Variants in AVP observed in about 807,000 individuals in gnomAD.
AVP encodes vasopressin-neurophysin 2-copeptin.
Under a neutral mutation model 11.1 loss-of-function variants are expected in AVP, and 9 were observed. The observed-to-expected ratio is 0.81, with a 90% confidence interval of 0.49 to 1.42. AVP has a LOEUF of 1.42. Among genes scored for constraint, AVP ranks in the 40% most tolerant of loss-of-function variants. The pLI, the probability that AVP is intolerant of heterozygous loss-of-function variation, is 0.00. For synonymous variants in AVP, 106 were observed against 111.3 expected (o/e 0.95, Z 0.30); for missense variants, 206 against 238.5 (o/e 0.86, Z 0.90).
chr20:3,083,079 G>A lies in AVP; in HGVS notation c.220C>T (p.Arg74Cys). 1 of 1,561,606 alleles carries A rather than the reference G, an allele frequency of 6.4e-7. No homozygotes were observed. The highest frequency in any genetic ancestry group is 8.6e-7 in the Non-Finnish European group (1 of 1,164,122). The change falls in exon 2 of 3, where the codon CGC becomes TGC. Residue 74 changes from arginine to cysteine, a missense_variant. Physicochemically the swap from Arg to Cys is radical, Grantham distance 180 (BLOSUM62 -3). Around this residue, in one of 2 missense-constraint regions of AVP, gnomAD observed 100 missense variants for 149.3 expected, o/e 0.67. Coordinates refer to ENST00000380293, the MANE Select transcript of AVP (RefSeq NM_000490.5). This position sits in a 1 kb window ranked among gnomAD's most constrained non-coding sequence, Gnocchi z 5.4. ...GGCAGGTAGTTCTCCTCCTGGCAGCGCAGCGCCTCAGCCGTGCCCACGAAG... is the reference window on the plus strand; with the variant it reads ...GGCAGGTAGTTCTCCTCCTGGCAGCACAGCGCCTCAGCCGTGCCCACGAAG... ...GCFVGTAEALRCQEENYLPSP... is the reference protein window; with the variant it reads ...GCFVGTAEALCCQEENYLPSP...
Position 3,083,085 on chromosome 20 carries a change from C to T in AVP, c.214G>A (p.Ala72Thr). 1 of 1,561,136 alleles carries T rather than the reference C, an allele frequency of 6.4e-7. No homozygotes were observed. Among genetic ancestry groups the T allele is most frequent in the Non-Finnish European group, 8.6e-7 (1 of 1,163,856 alleles). The stretch of plus-strand genomic sequence containing the variant: ...TAGTTCTCCTCCTGGCAGCGCAGCG[C>T]CTCAGCCGTGCCCACGAAGCAGCCC... ...ELGCFVGTAE[A>T]LRCQEENYLP... The change falls in exon 2 of 3, where the codon GCG becomes ACG. Residue 72 changes from alanine (A) to threonine (T), a missense_variant. Coordinates refer to ENST00000380293, the MANE Select transcript of AVP (RefSeq NM_000490.5). The surrounding 1 kb of genome is among the most constrained non-coding windows in gnomAD (Gnocchi z 5.4).
chr20:3,084,101 G>T (rs556719614), intron 1 of AVP, among the ~76,000 whole-genome samples: 1 of 152,204 alleles, frequency 6.6e-6, no homozygotes, highest in Admixed American at 6.5e-5. Flanking sequence ...CAGACCAGTG[G>T]CCATCTTCTG....
Position 3,083,295 on chromosome 20 carries a change from G to T in AVP, c.121-117C>A. On this transcript the variant is annotated intron_variant, in intron 1 of 2. Transcript: ENST00000380293. The surrounding 1 kb of genome is among the most constrained non-coding windows in gnomAD (Gnocchi z 5.4). ...GGCTCGGAGTGCGGGCGGGACACCG[G>T]GGCTGCGGCTGCAGGCACGCTCGGG... The T allele has an allele frequency of 8.7e-7, 1 of 1,153,080 alleles. No individual in the cohort carries two copies. Among genetic ancestry groups the T allele is most frequent in the Admixed American group, 4.1e-5 (1 of 24,426 alleles). 71.4% of individuals were successfully genotyped at this position (1,153,080 alleles called of 1,614,324 possible).
chr20:3,084,495 A>T, intron 1 of AVP, 60 bp downstream of exon 1: 1 of 1,610,896 alleles, frequency 6.2e-7, no homozygotes, highest in Non-Finnish European at 8.5e-7. Flanking sequence ...CTAGCCCCTG[A>T]CCCAGGGTGT....
At position 3,083,668 on chromosome 20, in the gene AVP, T is replaced by C. The variant is rs998606034; in HGVS notation, c.121-490A>G. Among the ~76,000 whole-genome samples, 1 of 152,092 alleles carries C rather than the reference T, an allele frequency of 6.6e-6. No homozygotes were observed. The highest frequency in any genetic ancestry group is 2.4e-5 in the African/African-American group (1 of 41,424). On this transcript the variant is annotated intron_variant, in intron 1 of 2. Transcript: ENST00000380293. This position sits in a 1 kb window ranked among gnomAD's most constrained non-coding sequence, Gnocchi z 5.4. ...CCATTTCCTGTCTCCTCTCTTGCCT[T>C]GCCCCTGGCCCCCGCCAAGCTTGTC...
Position 3,084,639 on chromosome 20 carries a change from G to A in AVP, c.36C>T (p.Gly12=), listed in dbSNP as rs1342687274. ...PDTMLPACFL[G]LLAFSSACYF... is the part of the protein sequence containing the mutation. ...AGCACGCGGAGGAGAAGGCCAGTAG[G>A]CCGAGGAAGCAGGCGGGCAGCATGG... Residue 12 remains glycine, a synonymous_variant, in exon 1 of 3, where the codon GGC becomes GGT. Transcript: ENST00000380293. 6.2e-7 allele frequency: 1 copy of A among 1,613,638 alleles called. No individual in the cohort carries two copies. The highest frequency in any genetic ancestry group is 1.3e-5 in the African/African-American group (1 of 74,940).
At position 3,082,945 on chromosome 20, in the gene AVP, C is replaced by CT. The variant is rs762655956; in HGVS notation, c.322+31_322+32insA. The CT allele has an allele frequency of 3.8e-6, 5 of 1,316,624 alleles. 1 individual carries two copies. Among genetic ancestry groups the CT allele is most frequent in the Admixed American group, 4.0e-5 (1 of 25,168 alleles). 81.6% of individuals were successfully genotyped at this position (1,316,624 alleles called of 1,614,324 possible). The stretch of plus-strand genomic sequence containing the variant: ...CCCCCCACCCAAGCGGTCTGCGCCC[C>CT]CCCCAGCCCCAGGCCCGCCCCCGCC... On this transcript the variant is annotated intron_variant, in intron 2 of 2. Coordinates refer to ENST00000380293, the MANE Select transcript of AVP (RefSeq NM_000490.5). This position sits in a 1 kb window ranked among gnomAD's most constrained non-coding sequence, Gnocchi z 4.7.
Position 3,082,961 on chromosome 20 carries a change from C to G in AVP, c.322+16G>C, listed in dbSNP as rs1344115090. ...TCTGCGCCCCCCCCAGCCCCAGGCCCGCCCCCGCCGCGCACCGTCGTTGCA... is the reference window on the plus strand; with the variant it reads ...TCTGCGCCCCCCCCAGCCCCAGGCCGGCCCCCGCCGCGCACCGTCGTTGCA... On this transcript the variant is annotated intron_variant, in intron 2 of 2. Coordinates refer to ENST00000380293, the MANE Select transcript of AVP (RefSeq NM_000490.5). This position sits in a 1 kb window ranked among gnomAD's most constrained non-coding sequence, Gnocchi z 4.7. The G allele has an allele frequency of 7.0e-7, 1 of 1,419,548 alleles. No individual in the cohort carries two copies. The highest frequency in any genetic ancestry group is 2.7e-5 in the Admixed American group (1 of 36,432). 87.9% of individuals were successfully genotyped at this position (1,419,548 alleles called of 1,614,324 possible).
chr20:3,082,862 G>T lies in AVP; in HGVS notation c.323-60C>A. The T allele has an allele frequency of 8.2e-7, 1 of 1,221,254 alleles. No individual in the cohort carries two copies. Among genetic ancestry groups the T allele is most frequent in the Non-Finnish European group, 1.0e-6 (1 of 982,078 alleles). 75.7% of individuals were successfully genotyped at this position (1,221,254 alleles called of 1,614,324 possible). On this transcript the variant is annotated intron_variant, in intron 2 of 2. Coordinates refer to ENST00000380293, the MANE Select transcript of AVP (RefSeq NM_000490.5). The surrounding 1 kb of genome is among the most constrained non-coding windows in gnomAD (Gnocchi z 4.7). ...GGCGGGCGCAGCTCGGGGTGCGGGG[G>T]GCCCACACCCTCCCTGCCGGGCCCG...
In AVP at chr20:3,082,691, C is replaced by G. The variant is rs936650522; in HGVS notation, c.434G>C (p.Arg145Pro). Residue 145 changes from arginine to proline, a missense_variant, in exon 3 of 3, where the codon CGG becomes CCG. Coordinates refer to ENST00000380293, the MANE Select transcript of AVP (RefSeq NM_000490.5). The surrounding 1 kb of genome is among the most constrained non-coding windows in gnomAD (Gnocchi z 4.7). Reference protein sequence around the residue: ...LDGPAGALLLRLVQLAGAPEP... With the variant: ...LDGPAGALLLPLVQLAGAPEP... ...GGGCGCCCCGGCCAGCTGCACCAGC[C>G]GCAGCAGCAAGGCCCCGGCCGGCCC... is the stretch of plus-strand genomic sequence containing the variant. 3 of 1,292,706 alleles carry G rather than the reference C, an allele frequency of 2.3e-6. No homozygotes were observed. Among genetic ancestry groups the G allele is most frequent in the Non-Finnish European group, 2.9e-6 (3 of 1,023,360 alleles). 80.1% of individuals were successfully genotyped at this position (1,292,706 alleles called of 1,614,324 possible). A position where few individuals can be genotyped will look rare whatever the true frequency, so the allele number is the denominator to read the frequency against.
At position 3,083,301 on chromosome 20, in the gene AVP, C is replaced by G. The variant is rs563005798; in HGVS notation, c.121-123G>C. Reference sequence around the variant, plus strand: ...GAGTGCGGGCGGGACACCGGGGCTGCGGCTGCAGGCACGCTCGGGCGCCAC... The same window carrying G: ...GAGTGCGGGCGGGACACCGGGGCTGGGGCTGCAGGCACGCTCGGGCGCCAC... On this transcript the variant is annotated intron_variant, in intron 1 of 2. Coordinates refer to ENST00000380293, the MANE Select transcript of AVP (RefSeq NM_000490.5). The surrounding 1 kb of genome is among the most constrained non-coding windows in gnomAD (Gnocchi z 5.4). The G allele has an allele frequency of 8.6e-5, 93 of 1,084,290 alleles. No individual in the cohort carries two copies. In the African/African-American group the frequency reaches 1.5e-3, roughly 17 times the overall value. 67.2% of individuals were successfully genotyped at this position (1,084,290 alleles called of 1,614,324 possible). A position where few individuals can be genotyped will look rare whatever the true frequency, so the allele number is the denominator to read the frequency against.
rs1375525048 is a variant in AVP at position 3,083,591 on chromosome 20, TC to T, written c.121-414del. Among the ~76,000 whole-genome samples, 2 of 151,866 alleles carry T rather than the reference TC, an allele frequency of 1.3e-5. No homozygotes were observed. The highest frequency in any genetic ancestry group is 2.9e-5 in the Non-Finnish European group (2 of 67,952). On this transcript the variant is annotated intron_variant, in intron 1 of 2. Transcript: ENST00000380293. The surrounding 1 kb of genome is among the most constrained non-coding windows in gnomAD (Gnocchi z 5.4). ...CGGCTTGAGCCCGGGCCCACCCCCTTCCCCACTACACCATGCGGAGAGGCCC... is the reference window on the plus strand; with the variant it reads ...CGGCTTGAGCCCGGGCCCACCCCCTTCCCACTACACCATGCGGAGAGGCCC...
Position 3,082,654 on chromosome 20 carries a change from C to T in AVP, c.471G>A (p.Glu157=). The T allele has an allele frequency of 1.6e-6, 2 of 1,280,510 alleles. No individual in the cohort carries two copies. The highest frequency in any genetic ancestry group is 3.2e-5 in the East Asian group (1 of 31,526). The allele number at this position is 1,280,510 out of a possible 1,614,324, so 79.3% of individuals were successfully genotyped here. ...VQLAGAPEPF[E]PAQPDAY The stretch of plus-strand genomic sequence containing the variant: ...CTCAGTAGGCGTCGGGCTGGGCGGG[C>T]TCGAAGGGCTCGGGCGCCCCGGCCA... The change falls in exon 3 of 3, where the codon GAG becomes GAA. Residue 157 remains glutamate (E), a synonymous_variant. Transcript: ENST00000380293. This position sits in a 1 kb window ranked among gnomAD's most constrained non-coding sequence, Gnocchi z 4.7.
chr20:3,083,176 G>A lies in AVP; in HGVS notation c.123C>T (p.Cys41=). ...CTTTGCCCCCGGGGCCGCAGGGGAG[G>A]CACTGCGGGGACGGGCGGGGTGAGC... ...RAMSDLELRQ[C]LPCGPGGKGR... The change falls in exon 2 of 3, where the codon TGC becomes TGT. Residue 41 remains cysteine, a splice_region_variant and synonymous_variant. Coordinates refer to ENST00000380293, the MANE Select transcript of AVP (RefSeq NM_000490.5). This position sits in a 1 kb window ranked among gnomAD's most constrained non-coding sequence, Gnocchi z 5.4. The A allele has an allele frequency of 1.3e-6, 2 of 1,486,298 alleles. No individual in the cohort carries two copies. Among genetic ancestry groups the A allele is most frequent in the East Asian group, 2.8e-5 (1 of 35,198 alleles). The allele number at this position is 1,486,298 out of a possible 1,614,324, so 92.1% of individuals were successfully genotyped here.
At position 3,082,942 on chromosome 20, in the gene AVP, C is replaced by CT. The variant is rs775089446; in HGVS notation, c.322+34_322+35insA. 2,475 of 870,872 alleles carry CT rather than the reference C, an allele frequency of 2.8e-3. 59 individuals are homozygous for CT. In the African/African-American group the frequency reaches 0.093, roughly 33 times the overall value. 53.9% of individuals were successfully genotyped at this position (870,872 alleles called of 1,614,324 possible). A position where few individuals can be genotyped will look rare whatever the true frequency, so the allele number is the denominator to read the frequency against. ...GTCCCCCCCACCCAAGCGGTCTGCG[C>CT]CCCCCCCAGCCCCAGGCCCGCCCCC... On this transcript the variant is annotated intron_variant, in intron 2 of 2. Transcript: ENST00000380293. The surrounding 1 kb of genome is among the most constrained non-coding windows in gnomAD (Gnocchi z 4.7).
chr20:3,082,924 C>G lies in AVP; in HGVS notation c.322+53G>C. On this transcript the variant is annotated intron_variant, in intron 2 of 2. Coordinates refer to ENST00000380293, the MANE Select transcript of AVP (RefSeq NM_000490.5). The surrounding 1 kb of genome is among the most constrained non-coding windows in gnomAD (Gnocchi z 4.7). ...ACCCCGCCGCAGGCCCGCGTCCCCC[C>G]CACCCAAGCGGTCTGCGCCCCCCCC... is the stretch of plus-strand genomic sequence containing the variant. 1.6e-5 allele frequency: 17 copies of G among 1,083,866 alleles called. No individual in the cohort carries two copies. Among genetic ancestry groups the G allele is most frequent in the Non-Finnish European group, 2.0e-5 (17 of 863,304 alleles). 67.1% of individuals were successfully genotyped at this position (1,083,866 alleles called of 1,614,324 possible). A position where few individuals can be genotyped will look rare whatever the true frequency, so the allele number is the denominator to read the frequency against.
Position 3,083,294 on chromosome 20 carries a change from G to T in AVP, c.121-116C>A, listed in dbSNP as rs544811252. ...GGGCTCGGAGTGCGGGCGGGACACC[G>T]GGGCTGCGGCTGCAGGCACGCTCGG... On this transcript the variant is annotated intron_variant, in intron 1 of 2. Coordinates refer to ENST00000380293, the MANE Select transcript of AVP (RefSeq NM_000490.5). This position sits in a 1 kb window ranked among gnomAD's most constrained non-coding sequence, Gnocchi z 5.4. 2.1e-4 allele frequency: 249 copies of T among 1,161,436 alleles called. No individual in the cohort carries two copies. The African/African-American group carries it at 3.7e-3, about 17-fold the overall frequency. 71.9% of individuals were successfully genotyped at this position (1,161,436 alleles called of 1,614,324 possible). A position where few individuals can be genotyped will look rare whatever the true frequency, so the allele number is the denominator to read the frequency against.
Position 3,082,766 on chromosome 20 carries a change from A to G in AVP, c.359T>C (p.Phe120Ser). ...GTCGCTGGCGCGGGCGCGGCGGTGA[A>G]AGCCCTCGCGGCACTCGGGCTCGGT... The part of the protein sequence containing the change: ...CVTEPECREG[F>S]HRRARASDRS... The change falls in exon 3 of 3, where the codon TTT (phenylalanine) becomes TCT (serine). Residue 120 changes from phenylalanine to serine, a missense_variant. Phe to Ser is a radical substitution (Grantham distance 155, BLOSUM62 -2). This residue lies in a region of AVP where 106 missense variants were observed against 89.2 expected (regional missense o/e 1.19). Coordinates refer to ENST00000380293, the MANE Select transcript of AVP (RefSeq NM_000490.5). The surrounding 1 kb of genome is among the most constrained non-coding windows in gnomAD (Gnocchi z 4.7). The G allele has an allele frequency of 1.6e-6, 2 of 1,268,256 alleles. No homozygotes were observed. The highest frequency in any genetic ancestry group is 1.6e-5 in the African/African-American group (1 of 64,008). The allele number at this position is 1,268,256 out of a possible 1,614,324, so 78.6% of individuals were successfully genotyped here. A position where few individuals can be genotyped will look rare whatever the true frequency, so the allele number is the denominator to read the frequency against.
rs545646381 is a variant in AVP at position 3,084,717 on chromosome 20, G to A, written c.-43C>T. On this transcript the variant is annotated 5_prime_UTR_variant, in exon 1 of 3. Coordinates refer to ENST00000380293, the MANE Select transcript of AVP (RefSeq NM_000490.5). ...GACCCCGTATGCAGCACTGCTTGGTGGCTCTGTGCTGCTGCCTCTGCTGGC... is the reference window on the plus strand; with the variant it reads ...GACCCCGTATGCAGCACTGCTTGGTAGCTCTGTGCTGCTGCCTCTGCTGGC... 2 of 1,610,426 alleles carry A rather than the reference G, an allele frequency of 1.2e-6. No homozygotes were observed. Among genetic ancestry groups the A allele is most frequent in the South Asian group, 2.2e-5 (2 of 91,068 alleles).
Sources: gnomAD v4.1 joint callset for allele counts (sites outside exome capture counted in the v4.1 genomes callset) on GRCh38, gnomAD v4.1.1 for gene constraint, gnomAD v4.1.1 regional missense constraint, Gnocchi (gnomAD v3.1) non-coding constraint, MANE v1.5 for transcripts, NCBI Gene and HGNC (gene_info 2026-07-23, HGNC 2026-07-21) for gene names.